The following PASK variants were observed in gnomAD, a reference collection of about 807,000 sequenced individuals.
PASK encodes PAS domain containing serine/threonine kinase, also known as PAS domain-containing serine/threonine-protein kinase.
Under a neutral mutation model 121.0 loss-of-function variants are expected in PASK, and 110 were observed. That is an observed-to-expected ratio of 0.91 (90% confidence interval 0.78 to 1.06). PASK has a LOEUF of 1.06. Among genes scored for constraint, PASK ranks in the 50% least tolerant of loss-of-function variants. The pLI is 0.00. For synonymous variants in PASK, 686 were observed against 717.8 expected, an observed-to-expected ratio of 0.96 and a Z score of 0.71; for missense variants, 1,643 against 1,702.3, an observed-to-expected ratio of 0.97 and a Z score of 0.61.
rs147692458 is a variant in PASK, at chr2:241,119,206, C to T, written c.3072+3526G>A. On this transcript the variant is annotated intron_variant, in intron 12 of 17. Transcript: ENST00000234040. The stretch of plus-strand genomic sequence containing the variant: ...ATTGTATCTCTGTAGTTTAAGGAGA[C>T]GCTGCCAGTAACGGCGTCCGTCCAT... Among the ~76,000 whole-genome samples the T allele has an allele frequency of 9.5e-3, 1,442 of 152,342 alleles. 12 individuals carry two copies. Among genetic ancestry groups the T allele is most frequent in the African/African-American group, 0.033 (1,359 of 41,578 alleles).
chr2:241,137,351 CCCA>C (rs2066483857), intron 6 of PASK, 87 bp from the exon 7 acceptor site: 2 of 1,070,436 alleles, frequency 1.9e-6, no homozygotes, highest in Admixed American at 1.7e-5. Context: ...CGACTTCTAC[CCCA>C]CGTCATCGGG....
chr2:241,132,839 T>C (rs778021621), intron 9 of PASK, 35 bp downstream of exon 9: 6 of 1,577,294 alleles, frequency 3.8e-6, no homozygotes, highest in East Asian at 4.5e-5. Context: ...GTCTGGACTT[T>C]TAGTAAACCT....
intron 15 of PASK, among the ~76,000 whole-genome samples, chr2:241,111,648 G>A (rs2871620): frequency 0.24 from 35,603 of 150,724 alleles, 6,547 homozygotes; most frequent in African/African-American, 0.5. Context: ...GCCGGCCCCC[G>A]ACTCACAGGC....
At chr2:241,116,811 C>T (rs2065391697) in intron 12 of PASK, among the ~76,000 whole-genome samples, 1 of 152,204 alleles carries the variant, frequency 6.6e-6, no homozygotes, top group South Asian at 2.1e-4. Flanking sequence ...GGCAACCCAG[C>T]GGGTGCCAAC....
At chr2:241,150,039 C>T (rs2067211372), upstream of PASK, 1 of 1,372,824 alleles carries the variant, frequency 7.3e-7, no homozygotes, top group Admixed American at 3.2e-5. Context: ...GCCAGCGAGG[C>T]TCGCAGAGGT....
chr2:241,114,412 G>A (rs2065238586), intron 14 of PASK: 1 of 986,422 alleles, frequency 1.0e-6, no homozygotes, highest in African/African-American at 1.7e-5. Flanking sequence ...GTTCTTCTGG[G>A]GGAGCTGGGA....
chr2:241,115,639 ATTACACCAGGGACAC>A (rs2125408646), intron 12 of PASK, among the ~76,000 whole-genome samples: 3 of 139,810 alleles, frequency 2.1e-5, no homozygotes, highest in Admixed American at 7.2e-5. Context: ...CAAGCATCCC[ATTACACCAGGGACAC>A]CCGGTCCTCA....
At chr2:241,148,523 G>A (rs1159165304) in intron 1 of PASK, among the ~76,000 whole-genome samples, 1 of 152,212 alleles carries the variant, frequency 6.6e-6, no homozygotes, top group Non-Finnish European at 1.5e-5. Context: ...TCCCAGAGAG[G>A]AGTTCAGTAC....
Position 241,106,277 on chromosome 2 carries a change from C to A in PASK, c.*289G>T. On this transcript the variant is annotated 3_prime_UTR_variant, in exon 18 of 18. Transcript: ENST00000234040. ...CATATACAAAAGTAGAAAGAGAAAA[C>A]ACTCATGCCTTCAGAAGTTCACAAA... The A allele has an allele frequency of 2.2e-6, 1 of 459,354 alleles. No homozygotes were observed. The highest frequency in any genetic ancestry group is 2.4e-5 in the South Asian group (1 of 42,106). 28.5% of individuals were successfully genotyped at this position (459,354 alleles called of 1,614,324 possible). A position where few individuals can be genotyped will look rare whatever the true frequency, so the allele number is the denominator to read the frequency against.
At position 241,142,998 on chromosome 2, in the gene PASK, T is replaced by G; in HGVS notation, c.35A>C (p.Asp12Ala). 1 of 1,613,988 alleles carries G rather than the reference T, an allele frequency of 6.2e-7. No individual in the cohort carries two copies. Among genetic ancestry groups the G allele is most frequent in the South Asian group, 1.1e-5 (1 of 91,084 alleles). Residue 12 changes from aspartate to alanine, a missense_variant, in exon 2 of 18, where the codon GAC becomes GCC. Around this residue, in one of 3 missense-constraint regions of PASK, gnomAD observed 1,176 missense variants for 1,162.2 expected, o/e 1.01. Transcript: ENST00000234040. ...EDGGLTAFEE[D>A]QRCLSQSLPL... is the part of the protein sequence containing the mutation. The stretch of plus-strand genomic sequence containing the variant: ...GAGGCTCTGGGAAAGGCATCTCTGG[T>G]CCTCTTCAAAGGCTGTTAAGCCCCC...
In PASK at chr2:241,143,028, TC is replaced by T. The variant is rs1367719253; in HGVS notation, c.4del (p.Glu2ArgfsTer5). On this transcript the variant is annotated frameshift_variant, in exon 2 of 18. Transcript: ENST00000234040. LOFTEE classifies it high-confidence loss of function. M[E>X]DGGLTAFEED... ...TTCAAAGGCTGTTAAGCCCCCGTCC[TC>T]CATGGGAAGAAGGGAGGCCAACTGC... 6.2e-7 allele frequency: 1 copy of T among 1,613,468 alleles called. No individual in the cohort carries two copies. Among genetic ancestry groups the T allele is most frequent in the Non-Finnish European group, 8.5e-7 (1 of 1,179,610 alleles).
chr2:241,123,474 G>A (rs964891196), intron 11 of PASK, among the ~76,000 whole-genome samples: 11 of 151,476 alleles, frequency 7.3e-5, no homozygotes, highest in Admixed American at 2.6e-4. Context: ...CACCATGCCC[G>A]ACCTAAAGTG....
At chr2:241,133,163 G>T in intron 8 of PASK, 133 bp from the exon 9 acceptor site, 1 of 866,880 alleles carries the variant, frequency 1.2e-6, no homozygotes, top group South Asian at 1.4e-5. Flanking sequence ...CACCCCAGGC[G>T]TCCCAGGTCC....
chr2:241,143,218 G>A (rs2066794629), intron 1 of PASK, 144 bp from the exon 2 acceptor site: 1 of 649,876 alleles, frequency 1.5e-6, no homozygotes, highest in Admixed American at 2.2e-5. Context: ...CCCGCAATGG[G>A]AGAATGGTCC....
chr2:241,130,506 G>C (rs1013744930), intron 9 of PASK, among the ~76,000 whole-genome samples: 1 of 152,120 alleles, frequency 6.6e-6, no homozygotes, highest in African/African-American at 2.4e-5. Context: ...TAGTGCTGTT[G>C]AGCACCCACG....
intron 8 of PASK, chr2:241,133,369 C>G (rs1386999609): frequency 2.6e-6 from 1 of 387,150 alleles, no homozygotes; most frequent in Non-Finnish European, 4.9e-6. Flanking sequence ...GGCCTCACTC[C>G]TCCAGGTCTC....
At chr2:241,137,875 T>C in intron 6 of PASK, 78 bp downstream of exon 6, 3 of 1,533,218 alleles carry the variant, frequency 2.0e-6, no homozygotes, top group Non-Finnish European at 2.7e-6. Flanking sequence ...TCAGAAACCC[T>C]TGGTCTGCGT....
rs568113649 is a variant in PASK at position 241,112,182 on chromosome 2, A to C, written c.3533+58T>G. On this transcript the variant is annotated intron_variant, in intron 15 of 17. Coordinates refer to ENST00000234040, the MANE Select transcript of PASK (RefSeq NM_015148.4). This position sits in a 1 kb window ranked among gnomAD's most constrained non-coding sequence, Gnocchi z 5.2. ...CCATTTTCCCACCCAAAATCAAGCC[A>C]CCCTCAGGGTCCTGACAGAGGACAC... 5 of 1,348,172 alleles carry C rather than the reference A, an allele frequency of 3.7e-6. No homozygotes were observed. Among genetic ancestry groups the C allele is most frequent in the Non-Finnish European group, 4.3e-6 (4 of 938,302 alleles). 83.5% of individuals were successfully genotyped at this position (1,348,172 alleles called of 1,614,324 possible). A position where few individuals can be genotyped will look rare whatever the true frequency, so the allele number is the denominator to read the frequency against.
chr2:241,123,966 C>T lies in PASK; in HGVS notation c.2887G>A (p.Gly963Arg), dbSNP rs547785761. The T allele has an allele frequency of 9.3e-6, 15 of 1,613,570 alleles. No individual in the cohort carries two copies. The highest frequency in any genetic ancestry group is 6.7e-5 in the African/African-American group (5 of 74,906). ...ATACCCACTTCCACCAGGCTGGGTC[C>T]GGTGAGCTCAGCAGCGGTAGAGTGG... ...STHSTAAELT[G>R]PSLVEVLRAR... Residue 963 changes from glycine (G) to arginine (R), a missense_variant, in exon 11 of 18, where the codon GGA becomes AGA. Gly to Arg is a moderately radical substitution (Grantham distance 125). Coordinates refer to ENST00000234040, the MANE Select transcript of PASK (RefSeq NM_015148.4).
Sources: allele counts gnomAD v4.1 joint callset (sites outside exome capture counted in the v4.1 genomes callset), GRCh38; gene constraint gnomAD v4.1.1; regional missense constraint gnomAD v4.1.1; non-coding constraint Gnocchi (gnomAD v3.1); transcripts MANE v1.5; gene names NCBI Gene and HGNC (gene_info 2026-07-23, HGNC 2026-07-21).